Variants in UTRN observed in about 807,000 individuals in gnomAD.
UTRN encodes utrophin, also known as dystrophin-related protein 1.
UTRN carries 283 observed loss-of-function variants against 463.9 expected under a neutral mutation model. That is an observed-to-expected ratio of 0.61 (90% CI 0.55 to 0.67). UTRN has a LOEUF of 0.67. Among genes scored for constraint, UTRN ranks in the 30% least tolerant of loss-of-function variants. The pLI, the probability that UTRN is intolerant of heterozygous loss-of-function variation, is 0.00. For missense variants in UTRN, 3,922 were observed against 4,084.3 expected, an observed-to-expected ratio of 0.96 and a Z score of 1.08; for synonymous variants, 1,442 against 1,431.5, an observed-to-expected ratio of 1.01 and a Z score of -0.17.
intron 51 of UTRN, among the ~76,000 whole-genome samples, chr6:144,645,347 G>A (rs1437629580): frequency 1.3e-5 from 2 of 152,076 alleles, no homozygotes; most frequent in Non-Finnish European, 2.9e-5. Flanking sequence ...AATACTTATA[G>A]TCCTTAGATA....
At chr6:144,350,427 C>T (rs1196484698) in intron 2 of UTRN, among the ~76,000 whole-genome samples, 6 of 151,946 alleles carry the variant, frequency 3.9e-5, no homozygotes, top group African/African-American at 1.5e-4. Flanking sequence ...CTTTTTTGAA[C>T]CAAAATTGAA....
chr6:144,577,752 G>A (rs926925472), intron 51 of UTRN, among the ~76,000 whole-genome samples: 1 of 152,190 alleles, frequency 6.6e-6, no homozygotes, highest in East Asian at 1.9e-4. Context: ...AACTGTGATT[G>A]TATATGTAGT....
At chr6:144,781,712 G>T (rs1291034547) in intron 60 of UTRN, among the ~76,000 whole-genome samples, 1 of 152,164 alleles carries the variant, frequency 6.6e-6, no homozygotes, top group Non-Finnish European at 1.5e-5. Context: ...AAGCAACAGA[G>T]TTCAGATTCA....
chr6:144,514,841 A>G (rs752090437), intron 37 of UTRN, 21 bp downstream of exon 37: 19 of 1,605,214 alleles, frequency 1.2e-5, no homozygotes, highest in Non-Finnish European at 1.6e-5. Context: ...ATGCTTTTAG[A>G]GTAAACCATT....
At chr6:144,569,185 T>C (rs1800702364) in intron 50 of UTRN, among the ~76,000 whole-genome samples, 1 of 151,996 alleles carries the variant, frequency 6.6e-6, no homozygotes. Context: ...TTAGAAATTT[T>C]ATATAAATTA....
At chr6:144,727,604 A>G (rs148109308) in intron 53 of UTRN, among the ~76,000 whole-genome samples, 2,987 of 152,134 alleles carry the variant, frequency 0.02, 50 homozygotes, top group South Asian at 0.066. Context: ...TAAAAATACA[A>G]AAAAATTAGC....
In UTRN at chr6:144,590,870, A is replaced by ACACG. The variant is rs1554298281; in HGVS notation, c.7479+13585_7479+13586insGCAC. On this transcript the variant is annotated intron_variant, in intron 51 of 74. Transcript: ENST00000367545. Reference sequence around the variant, plus strand: ...CACACACACACACACACACACACACACACACGCACATGCACACACACACAC... The same window carrying ACACG: ...CACACACACACACACACACACACACACACGCACACGCACATGCACACACACACAC... 1.6e-3 allele frequency among the ~76,000 whole-genome samples: 205 copies of ACACG among 125,886 alleles called. 2 individuals carry two copies. Among genetic ancestry groups the ACACG allele is most frequent in the African/African-American group, 7.3e-3 (197 of 26,984 alleles). 82.6% of individuals were successfully genotyped at this position (125,886 alleles called of 152,430 possible). A position where few individuals can be genotyped will look rare whatever the true frequency, so the allele number is the denominator to read the frequency against.
At chr6:144,730,807 GATAA>G (rs1185236275) in intron 54 of UTRN, among the ~76,000 whole-genome samples, 2 of 151,360 alleles carry the variant, frequency 1.3e-5, no homozygotes, top group South Asian at 2.1e-4. Flanking sequence ...CAAGTTACAT[GATAA>G]ATAATTGCAA....
At chr6:144,798,734 T>C (rs891990389) in intron 64 of UTRN, among the ~76,000 whole-genome samples, 2 of 152,220 alleles carry the variant, frequency 1.3e-5, no homozygotes, top group East Asian at 3.8e-4. Flanking sequence ...CAAGATTTTG[T>C]GTGTGTCTTT....
intron 23 of UTRN, among the ~76,000 whole-genome samples, chr6:144,470,230 G>A (rs571449146): frequency 1.8e-3 from 272 of 152,328 alleles, no homozygotes; most frequent in Middle Eastern, 6.8e-3. Context: ...CCTCCCAGAC[G>A]GGGTGGCGGC....
chr6:144,722,607 T>C (rs567204973), intron 53 of UTRN, among the ~76,000 whole-genome samples: 13 of 152,322 alleles, frequency 8.5e-5, no homozygotes, highest in Non-Finnish European at 1.6e-4. Context: ...ACTCTAGAGC[T>C]TTGCTGTGTA....
chr6:144,630,356 A>C (rs1192263376), intron 51 of UTRN, among the ~76,000 whole-genome samples: 1 of 152,194 alleles, frequency 6.6e-6, no homozygotes, highest in Non-Finnish European at 1.5e-5. Flanking sequence ...CATACCTGAC[A>C]CTGGGTGATT....
At chr6:144,372,484 T>A (rs56820385) in intron 2 of UTRN, among the ~76,000 whole-genome samples, 5,388 of 152,018 alleles carry the variant, frequency 0.035, 248 homozygotes, top group East Asian at 0.11. Flanking sequence ...GATAAAGAAG[T>A]CTTTTTATTT....
At chr6:144,786,046 A>G (rs1381701519) in intron 61 of UTRN, among the ~76,000 whole-genome samples, 1 of 152,202 alleles carries the variant, frequency 6.6e-6, no homozygotes, top group Non-Finnish European at 1.5e-5. Flanking sequence ...TATAAAGTAA[A>G]TGTCTTTATA....
At position 144,476,941 on chromosome 6, in the gene UTRN, G is replaced by C. The variant is rs117818775; in HGVS notation, c.3336+2182G>C. Among the ~76,000 whole-genome samples the C allele has an allele frequency of 8.2e-3, 1,248 of 152,162 alleles. 11 individuals carry two copies. The highest frequency in any genetic ancestry group is 0.028 in the South Asian group (135 of 4,812). ...GATGGGAATCCAAAGAGGTGGTTTT[G>C]TTATTTTTAATAATGAGAGATATTA... On this transcript the variant is annotated intron_variant, in intron 25 of 74. Transcript: ENST00000367545.
At chr6:144,839,329 G>A (rs1781363748) in intron 72 of UTRN, 45 bp downstream of exon 72, 1 of 1,495,980 alleles carries the variant, frequency 6.7e-7, no homozygotes, top group East Asian at 2.3e-5. Flanking sequence ...TCTGCTTTGT[G>A]CTTTGCCATT....
chr6:144,763,510 A>G (rs1792940458), intron 58 of UTRN, among the ~76,000 whole-genome samples: 1 of 152,180 alleles, frequency 6.6e-6, no homozygotes, highest in African/African-American at 2.4e-5. Context: ...TCGCAGTCAT[A>G]CAGTTCATTT....
chr6:144,531,058 TG>T lies in UTRN; in HGVS notation c.5914del (p.Asp1972ThrfsTer21), dbSNP rs1198797165. The T allele has an allele frequency of 6.2e-7, 1 of 1,613,812 alleles. No homozygotes were observed. The highest frequency in any genetic ancestry group is 8.5e-7 in the Non-Finnish European group (1 of 1,179,806). On this transcript the variant is annotated frameshift_variant, in exon 42 of 75. Transcript: ENST00000367545. LOFTEE classifies it high-confidence loss of function. The stretch of plus-strand genomic sequence containing the variant: ...TTTGTGTATTGTCCTCTAGTTGTTT[TG>T]ACAGGGCAATGGAAGAATGGAGACA... Reference protein sequence around the residue: ...RMYSDRKGCFDRAMEEWRQFH... With the variant: ...RMYSDRKGCFXRAMEEWRQFH...
chr6:144,646,561 C>T (rs1778324384), intron 51 of UTRN, among the ~76,000 whole-genome samples: 1 of 151,868 alleles, frequency 6.6e-6, no homozygotes, highest in Non-Finnish European at 1.5e-5. Flanking sequence ...ATATAAGATC[C>T]ATACTCTCCT....
Sources: allele counts gnomAD v4.1 joint callset (sites outside exome capture counted in the v4.1 genomes callset), GRCh38; gene constraint gnomAD v4.1.1; transcripts MANE v1.5; gene names NCBI Gene and HGNC (gene_info 2026-07-23, HGNC 2026-07-21).